Variants in SCN1A observed in about 807,000 individuals in gnomAD.
The protein encoded by SCN1A is sodium voltage-gated channel alpha subunit 1, also known as sodium channel protein type 1 subunit alpha.
In SCN1A, 13 loss-of-function variants were observed where a neutral mutation model predicts 193.7. The ratio of observed to expected loss-of-function variants is 0.07; its 90% CI spans 0.04 to 0.11. The LOEUF (loss-of-function observed/expected upper bound fraction) is 0.11, where lower values mean the gene tolerates loss of function less well. SCN1A is among the 10% of genes least tolerant of loss of function. The pLI, the probability that SCN1A is intolerant of heterozygous loss-of-function variation, is 1.00. For synonymous variants in SCN1A, 781 were observed against 843.6 expected (o/e 0.93, Z 1.29); for missense variants, 1,432 against 2,451.1 (o/e 0.58, Z 8.78).
chr2:166,068,375 C>G (rs768912873), intron 4 of SCN1A, among the ~76,000 whole-genome samples: 3 of 152,034 alleles, frequency 2.0e-5, no homozygotes, highest in South Asian at 4.1e-4. Context: ...GAAAAAGAAG[C>G]ACAAGGAAGA....
chr2:165,998,985 G>T (rs1337038920), intron 25 of SCN1A: 7 of 151,474 alleles, frequency 4.6e-5, no homozygotes, highest in Non-Finnish European at 8.9e-5. Context: ...TCTTTATGAT[G>T]ATAAACTAAA....
intron 2 of SCN1A, among the ~76,000 whole-genome samples, chr2:166,121,830 G>A (rs183241497): frequency 5.3e-4 from 81 of 152,236 alleles, no homozygotes; most frequent in African/African-American, 1.7e-3. Context: ...CTCAAACTCC[G>A]GTACCTCAGA....
rs1006141971 is a variant in SCN1A, at chr2:166,127,993, C to T, written c.-451G>A. The stretch of plus-strand genomic sequence containing the variant: ...ACCAGAGACCTCTGCAGTATCCTCT[C>T]GGCTTCATCCTCGCCTCACTCTATG... On this transcript the variant is annotated 5_prime_UTR_variant, in exon 1 of 29. Transcript: ENST00000674923. 1 of 149,900 alleles carries T rather than the reference C, an allele frequency of 6.7e-6. No individual in the cohort carries two copies. The highest frequency in any genetic ancestry group is 2.5e-5 in the African/African-American group (1 of 40,636). 9.3% of individuals were successfully genotyped at this position (149,900 alleles called of 1,614,324 possible).
chr2:166,014,726 G>A (rs991953173), intron 20 of SCN1A, among the ~76,000 whole-genome samples: 1 of 150,832 alleles, frequency 6.6e-6, no homozygotes, highest in Non-Finnish European at 1.5e-5. Flanking sequence ...GAAAAGAAGG[G>A]AAGGAGGAAA....
Position 166,056,477 on chromosome 2 carries a change from C to T in SCN1A, c.407G>A (p.Cys136Tyr). 6.2e-7 allele frequency: 1 copy of T among 1,604,792 alleles called. No individual in the cohort carries two copies. Among genetic ancestry groups the T allele is most frequent in the Non-Finnish European group, 8.5e-7 (1 of 1,171,792 alleles). The stretch of plus-strand genomic sequence containing the variant: ...AAACACACAGTTTGTCAAAATAGTG[C>T]ACATAATTAGCATGCTGAATAATGT... ...VHSLFSMLIM[C>Y]TILTNCVFMT... The change falls in exon 6 of 29, where the codon TGC becomes TAC. Residue 136 changes from cysteine (C) to tyrosine (Y), a missense_variant. Physicochemically the swap from Cys to Tyr is radical, Grantham distance 194. Transcript: ENST00000674923.
intron 9 of SCN1A, among the ~76,000 whole-genome samples, chr2:166,050,400 T>C (rs1698395724): frequency 6.6e-6 from 1 of 151,284 alleles, no homozygotes; most frequent in South Asian, 2.1e-4. Flanking sequence ...ATTATTTTAC[T>C]TCGAGTATTG....
intron 19 of SCN1A, among the ~76,000 whole-genome samples, chr2:166,031,805 C>T (rs558014781): frequency 2.9e-4 from 44 of 152,184 alleles, no homozygotes; most frequent in Middle Eastern, 3.4e-3. Flanking sequence ...CCCAGAAATG[C>T]AGTCAGTAAC....
At chr2:166,063,227 C>T (rs1275971953) in intron 4 of SCN1A, among the ~76,000 whole-genome samples, 2 of 152,038 alleles carry the variant, frequency 1.3e-5, no homozygotes, top group African/African-American at 4.8e-5. Context: ...TGCTTCAAAA[C>T]AAATGTTGAA....
intron 24 of SCN1A, among the ~76,000 whole-genome samples, chr2:166,000,275 C>T (rs1690647223): frequency 6.6e-6 from 1 of 151,648 alleles, no homozygotes; most frequent in Admixed American, 6.6e-5. Flanking sequence ...TTGCAACTAT[C>T]CTTTTAAGAA....
intron 19 of SCN1A, among the ~76,000 whole-genome samples, chr2:166,023,248 C>A (rs1305083920): frequency 1.3e-5 from 2 of 152,212 alleles, no homozygotes; most frequent in African/African-American, 2.4e-5. Context: ...CTGTCACTCA[C>A]CATTTCTGAA....
At chr2:166,127,378 A>G (rs1691369034) in intron 1 of SCN1A, among the ~76,000 whole-genome samples, 1 of 152,168 alleles carries the variant, frequency 6.6e-6, no homozygotes, top group Non-Finnish European at 1.5e-5. Flanking sequence ...TAAGAACAAT[A>G]TGACCTCTAT....
chr2:166,118,490 C>T (rs1690160495), intron 2 of SCN1A, among the ~76,000 whole-genome samples: 1 of 151,494 alleles, frequency 6.6e-6, no homozygotes, highest in Non-Finnish European at 1.5e-5. Context: ...ATTGTGCGAC[C>T]TCACAGACTC....
chr2:166,030,335 T>A (rs1424315772), intron 19 of SCN1A, among the ~76,000 whole-genome samples: 1 of 152,134 alleles, frequency 6.6e-6, no homozygotes, highest in Non-Finnish European at 1.5e-5. Context: ...TGGGACAATA[T>A]ATGCCCTCCA....
At chr2:166,027,371 G>A (rs1341114258) in intron 19 of SCN1A, 1 of 152,136 alleles carries the variant, frequency 6.6e-6, no homozygotes, top group East Asian at 1.9e-4. Flanking sequence ...TATTCTCTGA[G>A]AGTAAGTGAT....
rs575187486 is a variant in SCN1A, at chr2:165,990,450, G to T, written c.*795C>A. On this transcript the variant is annotated 3_prime_UTR_variant, in exon 29 of 29. Coordinates refer to ENST00000674923, the MANE Select transcript of SCN1A (RefSeq NM_001165963.4). ...GGTTTTTTTTTTAATACAACAAAAA[G>T]AAACATAACATTTATGACTCCAAAC... The T allele has an allele frequency of 1.3e-5, 2 of 152,204 alleles. No homozygotes were observed. Among genetic ancestry groups the T allele is most frequent in the African/African-American group, 4.8e-5 (2 of 41,418 alleles). 9.4% of individuals were successfully genotyped at this position (152,204 alleles called of 1,614,324 possible). A position where few individuals can be genotyped will look rare whatever the true frequency, so the allele number is the denominator to read the frequency against.
intron 2 of SCN1A, among the ~76,000 whole-genome samples, chr2:166,103,323 C>A (rs1001364207): frequency 8.5e-5 from 13 of 152,100 alleles, no homozygotes; most frequent in African/African-American, 2.7e-4. Flanking sequence ...TGGTGGCAGG[C>A]ACCTGTGGTC....
At chr2:166,134,730 G>A (rs1011352360) in intron 1 of SCN1A, among the ~76,000 whole-genome samples, 1 of 152,084 alleles carries the variant, frequency 6.6e-6, no homozygotes, top group Non-Finnish European at 1.5e-5. Flanking sequence ...AAAAATATGT[G>A]TTCTACTTTT....
intron 2 of SCN1A, among the ~76,000 whole-genome samples, chr2:166,114,776 T>C (rs146714704): frequency 6.6e-6 from 1 of 152,268 alleles, no homozygotes; most frequent in East Asian, 1.9e-4. Flanking sequence ...TTTTGAACTA[T>C]TCTGATGGCA....
chr2:166,014,533 A>G (rs1358356679), intron 20 of SCN1A, among the ~76,000 whole-genome samples: 1 of 151,056 alleles, frequency 6.6e-6, no homozygotes, highest in Non-Finnish European at 1.5e-5. Context: ...GTACACACAC[A>G]AAAAGGCACC....
Sources: gnomAD v4.1 joint callset for allele counts (sites outside exome capture counted in the v4.1 genomes callset) on GRCh38, gnomAD v4.1.1 for gene constraint, MANE v1.5 for transcripts, NCBI Gene and HGNC (gene_info 2026-07-23, HGNC 2026-07-21) for gene names.